CA5A: variants seen among roughly 807,000 people sequenced by gnomAD.
CA5A encodes the protein carbonic anhydrase 5A, also known as carbonic anhydrase 5A, mitochondrial.
Under a neutral mutation model 37.1 loss-of-function variants are expected in CA5A, and 28 were observed. The observed-to-expected ratio is 0.75, with a 90% CI of 0.56 to 1.03. CA5A has a LOEUF of 1.03. CA5A is among the 50% of genes least tolerant of loss of function. The pLI is 0.00. For synonymous variants in CA5A, 171 were observed against 158.4 expected, an observed-to-expected ratio of 1.08 and a Z score of -0.60; for missense variants, 444 against 399.9, an observed-to-expected ratio of 1.11 and a Z score of -0.94.
chr16:87,914,438 A>T (rs2056100375), intron 2 of CA5A, among the ~76,000 whole-genome samples: 2 of 152,244 alleles, frequency 1.3e-5, no homozygotes, highest in African/African-American at 4.8e-5. Context: ...GCGGGTGCAG[A>T]TGCGGACCCC....
At chr16:87,908,516 C>A (rs566106390) in intron 2 of CA5A, among the ~76,000 whole-genome samples, 9 of 152,160 alleles carry the variant, frequency 5.9e-5, no homozygotes, top group Admixed American at 3.3e-4. Flanking sequence ...CCAAAGAGAG[C>A]GACGCCAACT....
At chr16:87,899,729 G>C (rs1001202055) in intron 5 of CA5A, among the ~76,000 whole-genome samples, 14 of 150,224 alleles carry the variant, frequency 9.3e-5, no homozygotes, top group African/African-American at 3.4e-4. Context: ...ACACCAGCCT[G>C]GCCAACATGG....
intron 1 of CA5A, among the ~76,000 whole-genome samples, chr16:87,934,713 A>C (rs530438876): frequency 2.0e-5 from 3 of 152,228 alleles, no homozygotes; most frequent in African/African-American, 7.2e-5. Context: ...TAATCCCAGC[A>C]CTTTAGGAGG....
At chr16:87,901,660 C>G (rs1298466468) in intron 5 of CA5A, among the ~76,000 whole-genome samples, 1 of 151,726 alleles carries the variant, frequency 6.6e-6, no homozygotes, top group Non-Finnish European at 1.5e-5. Context: ...ACGATCTCAG[C>G]TCACTGCAAC....
intron 2 of CA5A, among the ~76,000 whole-genome samples, chr16:87,906,336 G>C (rs897497209): frequency 3.3e-5 from 5 of 152,192 alleles, no homozygotes; most frequent in African/African-American, 1.2e-4. Flanking sequence ...CCCGACACCA[G>C]AAGTACTTGG....
intron 1 of CA5A, among the ~76,000 whole-genome samples, chr16:87,928,610 C>G (rs1394149249): frequency 1.3e-5 from 2 of 152,078 alleles, no homozygotes; most frequent in South Asian, 4.2e-4. Context: ...AATGGTGGCA[C>G]GTTTCCATTG....
At position 87,924,506 on chromosome 16, in the gene CA5A, C is replaced by G. The variant is rs191585373; in HGVS notation, c.340+2242G>C. On this transcript the variant is annotated intron_variant, in intron 2 of 6. Transcript: ENST00000649794. Reference sequence around the variant, plus strand: ...CTACTCTCCATGGGGTGCCTCTCCCCGGGCTCCAGGAAGGCCTGCACATAC... The same window carrying G: ...CTACTCTCCATGGGGTGCCTCTCCCGGGGCTCCAGGAAGGCCTGCACATAC... Among the ~76,000 whole-genome samples, 9 of 152,240 alleles carry G rather than the reference C, an allele frequency of 5.9e-5. No homozygotes were observed. The South Asian group carries it at 1.9e-3, about 32-fold the overall frequency.
In CA5A at chr16:87,888,027, CTT is replaced by C; in HGVS notation, c.*100_*101del. 6.7e-7 allele frequency: 1 copy of C among 1,482,544 alleles called. No homozygotes were observed. Among genetic ancestry groups the C allele is most frequent in the African/African-American group, 1.4e-5 (1 of 71,294 alleles). 91.8% of individuals were successfully genotyped at this position (1,482,544 alleles called of 1,614,324 possible). On this transcript the variant is annotated 3_prime_UTR_variant, in exon 7 of 7. Transcript: ENST00000649794. ...GACTAAAACAATAACCTCATGCTCT[CTT>C]TTTAATTTCAGAAGTCATGTACAAT...
intron 6 of CA5A, among the ~76,000 whole-genome samples, chr16:87,888,679 C>T (rs2055672327): frequency 6.6e-6 from 1 of 152,162 alleles, no homozygotes; most frequent in African/African-American, 2.4e-5. Context: ...GGCTACAATT[C>T]ATGAAAGATG....
chr16:87,904,608 T>C (rs1166881046), intron 3 of CA5A, among the ~76,000 whole-genome samples, 178 bp downstream of exon 3: 1 of 152,158 alleles, frequency 6.6e-6, no homozygotes. Flanking sequence ...GCCTTCCTCG[T>C]AGGAGAGGTG....
In CA5A at chr16:87,920,961, T is replaced by G. The variant is rs145287972; in HGVS notation, c.340+5787A>C. Among the ~76,000 whole-genome samples the G allele has an allele frequency of 3.2e-3, 492 of 152,240 alleles. 9 individuals are homozygous for G. The highest frequency in any genetic ancestry group is 0.011 in the African/African-American group (463 of 41,546). On this transcript the variant is annotated intron_variant, in intron 2 of 6. Transcript: ENST00000649794. ...GGCATGCACCATCACGCCTGGCTAC[T>G]TTTGTATTTTTTGTAGAGATGGGGT...
chr16:87,925,704 C>G (rs1269395253), intron 2 of CA5A: 2 of 152,210 alleles, frequency 1.3e-5, no homozygotes, highest in African/African-American at 4.8e-5. Context: ...TTCCGAGAAT[C>G]ATGGTGAAGG....
At chr16:87,904,250 G>A (rs2055924075) in intron 3 of CA5A, among the ~76,000 whole-genome samples, 1 of 151,992 alleles carries the variant, frequency 6.6e-6, no homozygotes. Context: ...GCTGAGGCAG[G>A]AGAATCGCTT....
intron 5 of CA5A, among the ~76,000 whole-genome samples, chr16:87,897,476 G>A (rs1308290606): frequency 1.3e-5 from 2 of 151,976 alleles, no homozygotes; most frequent in Non-Finnish European, 2.9e-5. Flanking sequence ...CATAGTGACA[G>A]GTCGGCACTG....
chr16:87,887,957 C>T (rs183717027), downstream of CA5A: 21 of 957,282 alleles, frequency 2.2e-5, 1 homozygote, highest in Middle Eastern at 3.5e-4. Flanking sequence ...ATGTTCCCCA[C>T]GGTACTTACA....
chr16:87,904,760 T>G, intron 3 of CA5A, 26 bp downstream of exon 3: 1 of 1,347,610 alleles, frequency 7.4e-7, no homozygotes, highest in Non-Finnish European at 1.1e-6. Flanking sequence ...TGTGCAGATA[T>G]GTGCTGTTAG....
In CA5A at chr16:87,911,072, A is replaced by C. The variant is rs1597565883; in HGVS notation, c.341-6168T>G. Among the ~76,000 whole-genome samples, 1 of 150,624 alleles carries C rather than the reference A, an allele frequency of 6.6e-6. No homozygotes were observed. The highest frequency in any genetic ancestry group is 2.5e-5 in the African/African-American group (1 of 40,736). On this transcript the variant is annotated intron_variant, in intron 2 of 6. Coordinates refer to ENST00000649794, the MANE Select transcript of CA5A (RefSeq NM_001739.2). This position sits in a 1 kb window ranked among gnomAD's most constrained non-coding sequence, Gnocchi z 4.6. Reference sequence around the variant, plus strand: ...CCTAAAGTGACTTTTCATAATGACAATACAATGTCAGGGTATTCTCCTTAA... The same window carrying C: ...CCTAAAGTGACTTTTCATAATGACACTACAATGTCAGGGTATTCTCCTTAA...
rs60201296 is a variant in CA5A, at chr16:87,908,989, A to ATTTTTTTTT, written c.341-4094_341-4086dup. On this transcript the variant is annotated intron_variant, in intron 2 of 6. Coordinates refer to ENST00000649794, the MANE Select transcript of CA5A (RefSeq NM_001739.2). The stretch of plus-strand genomic sequence containing the variant: ...CAGGTGCGCACCACCACACCCGGCT[A>ATTTTTTTTT]TTTTTTTTTTTTTTTGTATTTTTAG... Among the ~76,000 whole-genome samples, 450 of 139,316 alleles carry ATTTTTTTTT rather than the reference A, an allele frequency of 3.2e-3. 6 individuals carry two copies. Among genetic ancestry groups the ATTTTTTTTT allele is most frequent in the African/African-American group, 0.011 (422 of 37,046 alleles). The allele number at this position is 139,316 out of a possible 152,430, so 91.4% of individuals were successfully genotyped here.
At chr16:87,927,624 A>G (rs1173214836) in intron 1 of CA5A, among the ~76,000 whole-genome samples, 1 of 152,126 alleles carries the variant, frequency 6.6e-6, no homozygotes, top group Non-Finnish European at 1.5e-5. Flanking sequence ...CATTTTCGGA[A>G]GCAAGGTGGG....
Sources: gnomAD v4.1 joint callset for allele counts (sites outside exome capture counted in the v4.1 genomes callset) on GRCh38, gnomAD v4.1.1 for gene constraint, Gnocchi (gnomAD v3.1) non-coding constraint, MANE v1.5 for transcripts, NCBI Gene and HGNC (gene_info 2026-07-23, HGNC 2026-07-21) for gene names.